Variants in PRKG1 observed in about 807,000 individuals in gnomAD.
PRKG1 encodes the protein cGMP-dependent protein kinase 1.
Under a neutral mutation model 88.1 loss-of-function variants are expected in PRKG1, and 35 were observed. The ratio of observed to expected loss-of-function variants is 0.40; its 90% confidence interval spans 0.30 to 0.53. The LOEUF (loss-of-function observed/expected upper bound fraction) is 0.53, where lower values mean the gene tolerates loss of function less well. PRKG1 is among the 20% of genes least tolerant of loss of function. The pLI is 0.59. For synonymous variants in PRKG1, 303 were observed against 292.5 expected (o/e 1.04, Z -0.37); for missense variants, 540 against 839.8 (o/e 0.64, Z 4.41).
chr10:51,309,120 G>A (rs1463576047), intron 2 of PRKG1, among the ~76,000 whole-genome samples: 1 of 152,180 alleles, frequency 6.6e-6, no homozygotes, highest in African/African-American at 2.4e-5. Context: ...CAGTCTTCCA[G>A]TTGGTCAAGT....
intron 2 of PRKG1, among the ~76,000 whole-genome samples, chr10:51,275,931 G>GA: frequency 6.7e-6 from 1 of 150,008 alleles, no homozygotes; most frequent in East Asian, 1.9e-4. Flanking sequence ...ACGGGAAGAA[G>GA]AAAAAAGCCT....
intron 3 of PRKG1, among the ~76,000 whole-genome samples, chr10:51,686,829 T>A (rs1441403200): frequency 6.6e-6 from 1 of 152,150 alleles, no homozygotes; most frequent in African/African-American, 2.4e-5. Flanking sequence ...TCTGTCTCCC[T>A]GGTTCAAGGT....
At chr10:52,084,189 T>C (rs1275085701) in intron 7 of PRKG1, among the ~76,000 whole-genome samples, 1 of 151,962 alleles carries the variant, frequency 6.6e-6, no homozygotes, top group Non-Finnish European at 1.5e-5. Context: ...GGTCTGGTTT[T>C]TAAAAAGGAG....
chr10:51,817,800 A>C (rs1413997718), intron 4 of PRKG1, among the ~76,000 whole-genome samples: 2 of 152,208 alleles, frequency 1.3e-5, no homozygotes, highest in African/African-American at 4.8e-5. Flanking sequence ...GTTTTCAGTT[A>C]ATGAATATTA....
At chr10:52,169,411 G>A (rs1165152310) in intron 9 of PRKG1, among the ~76,000 whole-genome samples, 1 of 152,126 alleles carries the variant, frequency 6.6e-6, no homozygotes, top group African/African-American at 2.4e-5. Flanking sequence ...AGGAACAAGA[G>A]CTCTCTGGGG....
chr10:51,866,149 T>G (rs780690208), intron 4 of PRKG1, among the ~76,000 whole-genome samples: 2 of 151,802 alleles, frequency 1.3e-5, no homozygotes, highest in Non-Finnish European at 1.5e-5. Context: ...TATTTTTGCT[T>G]ATGAGATATA....
intron 3 of PRKG1, among the ~76,000 whole-genome samples, chr10:51,773,732 C>T (rs1310072484): frequency 1.3e-5 from 2 of 151,892 alleles, no homozygotes; most frequent in Admixed American, 1.3e-4. Context: ...ATACCATGTA[C>T]CATTATTCAT....
intron 2 of PRKG1, among the ~76,000 whole-genome samples, chr10:51,425,622 G>T (rs779501598): frequency 6.6e-6 from 1 of 152,158 alleles, no homozygotes; most frequent in South Asian, 2.1e-4. Flanking sequence ...AGTCTGGTAC[G>T]ATGACAACAG....
chr10:51,706,990 G>A (rs1038836191), intron 3 of PRKG1, among the ~76,000 whole-genome samples: 8 of 151,892 alleles, frequency 5.3e-5, no homozygotes, highest in East Asian at 3.9e-4. Context: ...TTATTTGGGG[G>A]CCTATATCTT....
At chr10:51,492,104 A>T (rs1264177142) in intron 3 of PRKG1, among the ~76,000 whole-genome samples, 1 of 152,104 alleles carries the variant, frequency 6.6e-6, no homozygotes, top group Non-Finnish European at 1.5e-5. Flanking sequence ...TTGCTCAACC[A>T]TGATGTGTAC....
chr10:52,042,095 A>G (rs574290531), intron 5 of PRKG1, among the ~76,000 whole-genome samples: 6 of 152,288 alleles, frequency 3.9e-5, no homozygotes, highest in Non-Finnish European at 8.8e-5. Context: ...TTCTGTGTTC[A>G]TGGATTAGAA....
At chr10:52,289,744 A>G (rs961832870) in intron 16 of PRKG1, among the ~76,000 whole-genome samples, 9 of 152,178 alleles carry the variant, frequency 5.9e-5, no homozygotes, top group Non-Finnish European at 1.2e-4. Context: ...AAAAAGGGAA[A>G]AAAAGAAGAA....
At chr10:52,158,381 A>G (rs575637989) in intron 8 of PRKG1, among the ~76,000 whole-genome samples, 1 of 151,770 alleles carries the variant, frequency 6.6e-6, no homozygotes, top group South Asian at 2.1e-4. Flanking sequence ...TCTGATACCT[A>G]TAGTAGTACT....
intron 5 of PRKG1, among the ~76,000 whole-genome samples, chr10:52,041,611 T>C (rs1423943161): frequency 2.6e-5 from 4 of 152,240 alleles, no homozygotes; most frequent in African/African-American, 9.6e-5. Flanking sequence ...CCCATGCTTT[T>C]CTTAGACGGG....
chr10:52,158,703 T>C, intron 8 of PRKG1, among the ~76,000 whole-genome samples: 1 of 151,676 alleles, frequency 6.6e-6, no homozygotes, highest in East Asian at 1.9e-4. Context: ...AAGACACATT[T>C]GTTTAACGTT....
intron 7 of PRKG1, among the ~76,000 whole-genome samples, chr10:52,072,450 G>A (rs10824017): frequency 0.17 from 26,101 of 151,778 alleles, 2,841 homozygotes; most frequent in South Asian, 0.28. Flanking sequence ...TGATGTACTA[G>A]GTGCTATAGG....
intron 4 of PRKG1, among the ~76,000 whole-genome samples, chr10:51,850,902 C>T (rs777857353): frequency 2.0e-5 from 3 of 152,044 alleles, no homozygotes; most frequent in Non-Finnish European, 4.4e-5. Context: ...GAAAAAAAGA[C>T]TCTACTGGAG....
chr10:51,061,081 G>GTGTGTGTGTGTGTGTGTGTC (rs1231792713), intron 1 of PRKG1, among the ~76,000 whole-genome samples: 13 of 152,074 alleles, frequency 8.5e-5, no homozygotes, highest in African/African-American at 3.1e-4. Context: ...GTGTGTGTGT[G>GTGTGTGTGTGTGTGTGTGTC]TGTCTGTATT....
At chr10:51,729,994 T>G (rs1469490001) in intron 3 of PRKG1, among the ~76,000 whole-genome samples, 1 of 152,194 alleles carries the variant, frequency 6.6e-6, no homozygotes, top group Admixed American at 6.5e-5. Flanking sequence ...TCGTTACAAC[T>G]GTGAACCTAT....
Sources: allele counts gnomAD v4.1 joint callset (sites outside exome capture counted in the v4.1 genomes callset), GRCh38; gene constraint gnomAD v4.1.1; transcripts MANE v1.5; gene names NCBI Gene and HGNC (gene_info 2026-07-23, HGNC 2026-07-21).